Variants in TMEM74 observed in about 807,000 individuals in gnomAD.
The protein encoded by TMEM74 is transmembrane protein 74.
A neutral mutation model predicts 18.1 loss-of-function variants in TMEM74; 13 were observed. The ratio of observed to expected loss-of-function variants is 0.72; its 90% CI spans 0.47 to 1.14. The LOEUF is 1.14. Among genes scored for constraint, TMEM74 ranks in the 50% most tolerant of loss-of-function variants. The pLI is 0.00. For synonymous variants in TMEM74, 159 were observed against 146.6 expected, an observed-to-expected ratio of 1.08 and a Z score of -0.61; for missense variants, 372 against 375.9, an observed-to-expected ratio of 0.99 and a Z score of 0.09.
chr8:108,703,287 TTTG>T (rs1292540366), intron 1 of TMEM74, among the ~76,000 whole-genome samples: 1 of 152,144 alleles, frequency 6.6e-6, no homozygotes, highest in East Asian at 1.9e-4. Context: ...GATTCACTTT[TTTG>T]TTGTTGTTGT....
chr8:108,664,875 A>G (rs75648690), intron 1 of TMEM74, among the ~76,000 whole-genome samples: 4 of 152,138 alleles, frequency 2.6e-5, no homozygotes, highest in African/African-American at 9.7e-5. Context: ...TTGACTCTAC[A>G]ATATTACTTC....
chr8:108,630,041 A>G (rs1004261788), intron 2 of TMEM74, among the ~76,000 whole-genome samples: 2 of 152,100 alleles, frequency 1.3e-5, no homozygotes, highest in African/African-American at 4.8e-5. Flanking sequence ...CAGACTGGCA[A>G]ATTGGATAAA....
At chr8:108,754,243 G>T (rs929561013) in intron 1 of TMEM74, among the ~76,000 whole-genome samples, 1 of 151,976 alleles carries the variant, frequency 6.6e-6, no homozygotes, top group Non-Finnish European at 1.5e-5. Flanking sequence ...TTCAACAAAT[G>T]CTAAAATTCC....
intron 1 of TMEM74, among the ~76,000 whole-genome samples, chr8:108,726,321 A>G (rs1813638115): frequency 6.6e-6 from 1 of 152,224 alleles, no homozygotes; most frequent in African/African-American, 2.4e-5. Flanking sequence ...TGATGAGTTT[A>G]TGTGTCACTT....
At chr8:108,684,949 G>GT (rs1813153756) in intron 1 of TMEM74, among the ~76,000 whole-genome samples, 3 of 151,804 alleles carry the variant, frequency 2.0e-5, no homozygotes, top group African/African-American at 7.3e-5. Flanking sequence ...AATTTTAGGA[G>GT]TTTTTTCTAT....
At chr8:108,717,764 T>C (rs994424472) in intron 1 of TMEM74, among the ~76,000 whole-genome samples, 6 of 151,840 alleles carry the variant, frequency 4.0e-5, no homozygotes, top group Admixed American at 2.6e-4. Context: ...AAATATGCCT[T>C]GGAAATATGC....
chr8:108,693,254 T>A (rs1813248290), intron 1 of TMEM74, among the ~76,000 whole-genome samples: 2 of 151,950 alleles, frequency 1.3e-5, no homozygotes, highest in South Asian at 4.1e-4. Context: ...TCACATCAGA[T>A]CTTTGGAGTA....
intron 2 of TMEM74, among the ~76,000 whole-genome samples, chr8:108,612,451 A>G (rs142318905): frequency 4.8e-4 from 73 of 152,334 alleles, no homozygotes; most frequent in African/African-American, 1.7e-3. Flanking sequence ...AGATTAAGAA[A>G]TGAAACTAGT....
chr8:108,741,350 G>T (rs1813798129), intron 1 of TMEM74, among the ~76,000 whole-genome samples: 1 of 152,120 alleles, frequency 6.6e-6, no homozygotes, highest in Admixed American at 6.5e-5. Flanking sequence ...TCACACACAT[G>T]TCACAATTCT....
intron 1 of TMEM74, among the ~76,000 whole-genome samples, chr8:108,685,875 G>A (rs999668688): frequency 6.6e-6 from 1 of 152,000 alleles, no homozygotes; most frequent in African/African-American, 2.4e-5. Flanking sequence ...CAACTAAATA[G>A]CAATAAAATT....
intron 1 of TMEM74, among the ~76,000 whole-genome samples, chr8:108,725,254 A>G (rs1016749897): frequency 5.3e-5 from 8 of 152,158 alleles, no homozygotes; most frequent in African/African-American, 1.9e-4. Flanking sequence ...TGTCTTTATG[A>G]TAGCTCTTAG....
chr8:108,681,604 C>G (rs1275185058), intron 1 of TMEM74, among the ~76,000 whole-genome samples: 1 of 152,158 alleles, frequency 6.6e-6, no homozygotes, highest in Non-Finnish European at 1.5e-5. Context: ...CTCTGGACCA[C>G]TCCAAGGAAA....
intron 1 of TMEM74, among the ~76,000 whole-genome samples, chr8:108,750,170 C>A (rs750328588): frequency 1.3e-5 from 2 of 152,236 alleles, no homozygotes; most frequent in South Asian, 2.1e-4. Context: ...CTCTGAGAAT[C>A]AAAATAGATA....
intron 2 of TMEM74, among the ~76,000 whole-genome samples, chr8:108,643,383 C>T (rs1337876143): frequency 6.6e-6 from 1 of 152,162 alleles, no homozygotes. Context: ...CTAAACTCTG[C>T]AATCTCATTA....
At chr8:108,642,892 A>C (rs1040991465) in intron 2 of TMEM74, among the ~76,000 whole-genome samples, 1 of 152,190 alleles carries the variant, frequency 6.6e-6, no homozygotes, top group Non-Finnish European at 1.5e-5. Flanking sequence ...TGCGCTCTGA[A>C]TGATAATCTG....
chr8:108,657,857 AAAATATATAT>A (rs1463685333), intron 1 of TMEM74, among the ~76,000 whole-genome samples: 2 of 62,280 alleles, frequency 3.2e-5, no homozygotes, highest in African/African-American at 1.4e-4. Flanking sequence ...AAAAAAAAAA[AAAATATATAT>A]ATATATATAT....
At chr8:108,654,383 A>G (rs944382657) in intron 2 of TMEM74, among the ~76,000 whole-genome samples, 1 of 152,210 alleles carries the variant, frequency 6.6e-6, no homozygotes, top group African/African-American at 2.4e-5. Flanking sequence ...ACTGAGGATT[A>G]AATTATAGAA....
intron 1 of TMEM74, among the ~76,000 whole-genome samples, chr8:108,747,372 GA>G (rs1184366169): frequency 1.3e-5 from 2 of 151,830 alleles, no homozygotes; most frequent in East Asian, 1.9e-4. Context: ...CAAGAATACA[GA>G]AAAAAAAGCA....
At chr8:108,716,448 C>T (rs1413958459) in intron 1 of TMEM74, among the ~76,000 whole-genome samples, 1 of 151,994 alleles carries the variant, frequency 6.6e-6, no homozygotes, top group African/African-American at 2.4e-5. Flanking sequence ...AGTGTCTGTT[C>T]TCTGTTCTGA....
Sources: gnomAD v4.1 joint callset for allele counts (sites outside exome capture counted in the v4.1 genomes callset) on GRCh38, gnomAD v4.1.1 for gene constraint, MANE v1.5 for transcripts, NCBI Gene and HGNC (gene_info 2026-07-23, HGNC 2026-07-21) for gene names.